Variants in SUV39H2 observed in about 807,000 individuals in gnomAD.
SUV39H2 encodes the protein SUV39H2 histone lysine methyltransferase.
SUV39H2 carries 10 observed loss-of-function variants against 47.5 expected under a neutral mutation model. That is an observed-to-expected ratio of 0.21 (90% CI 0.13 to 0.36). The LOEUF is 0.36. Among genes scored for constraint, SUV39H2 ranks in the 10% least tolerant of loss-of-function variants. The pLI is 1.00. For synonymous variants in SUV39H2, 159 were observed against 166.8 expected, an observed-to-expected ratio of 0.95 and a Z score of 0.36; for missense variants, 266 against 487.4, an observed-to-expected ratio of 0.55 and a Z score of 4.28.
At chr10:14,900,349 G>C (rs908926264) in intron 4 of SUV39H2, among the ~76,000 whole-genome samples, 32 of 152,226 alleles carry the variant, frequency 2.1e-4, no homozygotes, top group Admixed American at 3.9e-4. Flanking sequence ...GACATTATCT[G>C]CATTTTGTGG....
intron 2 of SUV39H2, among the ~76,000 whole-genome samples, chr10:14,896,537 T>C (rs1833622783): frequency 6.6e-6 from 1 of 152,254 alleles, no homozygotes; most frequent in Non-Finnish European, 1.5e-5. Context: ...CATCTGGGTT[T>C]AACCTGAATC....
chr10:14,892,350 A>G lies in SUV39H2; in HGVS notation c.178-4496A>G, dbSNP rs906121852. ...GCCTACAATAAAGTTCAAGTGTCTC[A>G]GTGAAGTGAGTGTTATGGTTGTTTA... On this transcript the variant is annotated intron_variant, in intron 2 of 5. Coordinates refer to ENST00000354919, the MANE Select transcript of SUV39H2 (RefSeq NM_001193424.2). 7.2e-5 allele frequency among the ~76,000 whole-genome samples: 11 copies of G among 152,350 alleles called. No homozygotes were observed. The East Asian group carries it at 1.7e-3, about 24-fold the overall frequency.
At chr10:14,900,069 A>G (rs1252616227) in intron 4 of SUV39H2, among the ~76,000 whole-genome samples, 1 of 152,226 alleles carries the variant, frequency 6.6e-6, no homozygotes, top group African/African-American at 2.4e-5. Flanking sequence ...TAGGATGTAC[A>G]ACTGAAGGTA....
At chr10:14,901,094 A>G in intron 4 of SUV39H2, 39 bp from the exon 5 acceptor site, 1 of 1,607,250 alleles carries the variant, frequency 6.2e-7, no homozygotes, top group Non-Finnish European at 8.5e-7. Flanking sequence ...GCTTGTTTAC[A>G]CCGTTTGTAC....
chr10:14,896,818 T>G, intron 2 of SUV39H2, 28 bp from the exon 3 acceptor site: 1 of 1,513,002 alleles, frequency 6.6e-7, no homozygotes, highest in African/African-American at 1.4e-5. Context: ...CCGTCTGATT[T>G]GCATTTTATT....
intron 2 of SUV39H2, among the ~76,000 whole-genome samples, chr10:14,883,595 C>G (rs1177440667): frequency 6.7e-6 from 1 of 150,306 alleles, no homozygotes; most frequent in Non-Finnish European, 1.5e-5. Flanking sequence ...ATCCCAGCTA[C>G]TCAGGAGGCT....
chr10:14,891,482 A>G (rs1008044885), intron 2 of SUV39H2, among the ~76,000 whole-genome samples: 4 of 152,238 alleles, frequency 2.6e-5, no homozygotes, highest in African/African-American at 9.6e-5. Flanking sequence ...AAAAAACTCC[A>G]TAGTAAAGAA....
At chr10:14,887,746 G>A (rs180991176) in intron 2 of SUV39H2, among the ~76,000 whole-genome samples, 5 of 152,200 alleles carry the variant, frequency 3.3e-5, no homozygotes, top group African/African-American at 9.7e-5. Context: ...AGAGTTTATC[G>A]TTCAGTGAGG....
intron 2 of SUV39H2, among the ~76,000 whole-genome samples, chr10:14,883,106 A>G (rs1209466433): frequency 6.6e-6 from 1 of 151,948 alleles, no homozygotes; most frequent in South Asian, 2.1e-4. Context: ...TGACCTCATG[A>G]TCTGCCCGCC....
chr10:14,899,187 G>A lies in SUV39H2; in HGVS notation c.850-352G>A, dbSNP rs148343292. 2,328 of 701,848 alleles carry A rather than the reference G, an allele frequency of 3.3e-3. 12 individuals carry two copies. Among genetic ancestry groups the A allele is most frequent in the Middle Eastern group, 1.0e-2 (42 of 4,218 alleles). The allele number at this position is 701,848 out of a possible 1,614,324, so 43.5% of individuals were successfully genotyped here. ...AACTAAATCATTAGCTGGGCATGGC[G>A]GTATGCACCTGTGATCCAGCTAGTC... On this transcript the variant is annotated intron_variant, in intron 3 of 5. Transcript: ENST00000354919.
chr10:14,897,706 T>TA (rs1833683550), intron 3 of SUV39H2, 189 bp downstream of exon 3: 1 of 414,338 alleles, frequency 2.4e-6, no homozygotes, highest in East Asian at 3.8e-5. Flanking sequence ...TTTATATGAA[T>TA]AAAAAATATA....
chr10:14,899,331 T>C, intron 3 of SUV39H2: 2 of 688,732 alleles, frequency 2.9e-6, no homozygotes, highest in Admixed American at 2.2e-5. Context: ...AAAAAAAAGG[T>C]CATCAGTCTT....
chr10:14,900,192 T>A (rs1833902438), intron 4 of SUV39H2, among the ~76,000 whole-genome samples: 1 of 152,228 alleles, frequency 6.6e-6, no homozygotes, highest in African/African-American at 2.4e-5. Flanking sequence ...TTCCTTACCT[T>A]TTAATGTCTG....
intron 2 of SUV39H2, among the ~76,000 whole-genome samples, chr10:14,881,937 C>A (rs1043988577): frequency 1.3e-5 from 2 of 152,182 alleles, no homozygotes; most frequent in African/African-American, 2.4e-5. Context: ...AATTGTCTTT[C>A]GTTTTGTTCG....
rs1177876010 is a variant in SUV39H2, at chr10:14,894,667, G to A, written c.178-2179G>A. ...CAGGCGTGAGCCACCGCGCCCGGCC[G>A]CAAAGTTTTTAATTCACAAAGATTA... On this transcript the variant is annotated intron_variant, in intron 2 of 5. Coordinates refer to ENST00000354919, the MANE Select transcript of SUV39H2 (RefSeq NM_001193424.2). Among the ~76,000 whole-genome samples the A allele has an allele frequency of 2.0e-5, 3 of 151,688 alleles. 1 individual carries two copies. The highest frequency in any genetic ancestry group is 4.9e-5 in the African/African-American group (2 of 41,218).
At chr10:14,891,204 C>T (rs1174095386) in intron 2 of SUV39H2, among the ~76,000 whole-genome samples, 1 of 152,116 alleles carries the variant, frequency 6.6e-6, no homozygotes, top group Non-Finnish European at 1.5e-5. Context: ...GTGGGAAAGG[C>T]CCTCCTAATT....
chr10:14,886,701 G>C (rs969042419), intron 2 of SUV39H2, among the ~76,000 whole-genome samples: 2 of 152,230 alleles, frequency 1.3e-5, no homozygotes, highest in Non-Finnish European at 2.9e-5. Context: ...GCCAGACACT[G>C]TGTTAGGCAC....
intron 2 of SUV39H2, among the ~76,000 whole-genome samples, chr10:14,883,109 T>G (rs1339661637): frequency 6.6e-6 from 1 of 152,060 alleles, no homozygotes; most frequent in Non-Finnish European, 1.5e-5. Context: ...CCTCATGATC[T>G]GCCCGCCTTG....
chr10:14,881,175 A>G (rs1833030553), intron 1 of SUV39H2, among the ~76,000 whole-genome samples: 1 of 152,332 alleles, frequency 6.6e-6, no homozygotes, highest in East Asian at 1.9e-4. Context: ...AGTGAAAAAC[A>G]TTATCTCTGT....
Sources: allele counts gnomAD v4.1 joint callset (sites outside exome capture counted in the v4.1 genomes callset), GRCh38; gene constraint gnomAD v4.1.1; transcripts MANE v1.5; gene names NCBI Gene and HGNC (gene_info 2026-07-23, HGNC 2026-07-21).